Variants in PVT1 observed in about 807,000 individuals in gnomAD.
PVT1 encodes the protein Pvt1 oncogene.
intron 2 of PVT1, among the ~76,000 whole-genome samples, chr8:127,882,971 C>T (rs1815485517): frequency 6.6e-6 from 1 of 151,972 alleles, no homozygotes; most frequent in Non-Finnish European, 1.5e-5. Context: ...GTCCCTTCTG[C>T]AAGAGAGGGA....
chr8:127,898,100 AAAG>A lies in PVT1; in HGVS notation n.782+7106_782+7108del, dbSNP rs1815709445. On this transcript the variant is annotated intron_variant and non_coding_transcript_variant, in intron 3 of 10. Coordinates refer to ENST00000651587, the Ensembl canonical transcript of PVT1. The surrounding 1 kb of genome is among the most constrained non-coding windows in gnomAD (Gnocchi z 4.4). ...AGAAAGAAAAGGGAAGGAAGGAAGG[AAAG>A]AAGGAAGGAAGGAAGAAAGAAGGAA... Among the ~76,000 whole-genome samples the A allele has an allele frequency of 6.6e-6, 1 of 150,964 alleles. No homozygotes were observed. Among genetic ancestry groups the A allele is most frequent in the South Asian group, 2.1e-4 (1 of 4,700 alleles).
chr8:127,983,368 G>A (rs114601824), intron 3 of PVT1, among the ~76,000 whole-genome samples: 6,504 of 152,270 alleles, frequency 0.043, 271 homozygotes, highest in African/African-American at 0.1. Context: ...CTGTGATTAA[G>A]GTGACATAGG....
At chr8:127,964,373 A>G (rs1187692538) in intron 3 of PVT1, among the ~76,000 whole-genome samples, 2 of 152,168 alleles carry the variant, frequency 1.3e-5, no homozygotes, top group Non-Finnish European at 2.9e-5. Flanking sequence ...CGACCAACCG[A>G]AGCCACCAGT....
chr8:127,849,149 A>G (rs1045156727), intron 2 of PVT1, among the ~76,000 whole-genome samples: 1 of 152,076 alleles, frequency 6.6e-6, no homozygotes, highest in African/African-American at 2.4e-5. Flanking sequence ...TTTGCCAAAG[A>G]CAAGGGAAGG....
intron 2 of PVT1, chr8:127,803,604 A>G (rs1164357175): frequency 6.6e-6 from 1 of 152,220 alleles, no homozygotes; most frequent in East Asian, 1.9e-4. Flanking sequence ...AGAAGGAAAT[A>G]TGGGCCAGGC....
intron 2 of PVT1, among the ~76,000 whole-genome samples, chr8:127,808,452 A>G (rs1285142967): frequency 6.6e-6 from 1 of 152,178 alleles, no homozygotes; most frequent in Non-Finnish European, 1.5e-5. Context: ...GTGTGTTCAG[A>G]GTGTCAAAAG....
At chr8:127,964,359 G>A (rs1047483622) in intron 3 of PVT1, among the ~76,000 whole-genome samples, 5 of 152,176 alleles carry the variant, frequency 3.3e-5, no homozygotes, top group Non-Finnish European at 7.3e-5. Flanking sequence ...GGCGGATACA[G>A]CAGCGACCAA....
At chr8:128,095,775 C>T (rs998867598) in intron 5 of PVT1, among the ~76,000 whole-genome samples, 8 of 152,328 alleles carry the variant, frequency 5.3e-5, no homozygotes, top group Non-Finnish European at 1.2e-4. Context: ...TGTTTGTTAG[C>T]GTTGCGGTCA....
chr8:127,926,189 T>C (rs1445497700), intron 3 of PVT1, among the ~76,000 whole-genome samples: 2 of 152,172 alleles, frequency 1.3e-5, no homozygotes, highest in Non-Finnish European at 2.9e-5. Flanking sequence ...CAGCACCCAT[T>C]TGAGAGGCTG....
chr8:127,810,327 G>A (rs568677256), intron 2 of PVT1, among the ~76,000 whole-genome samples: 1 of 152,358 alleles, frequency 6.6e-6, no homozygotes, highest in East Asian at 1.9e-4. Flanking sequence ...GGAGCATCCT[G>A]CACCTCCCTC....
At chr8:127,824,673 T>C (rs976819996) in intron 2 of PVT1, among the ~76,000 whole-genome samples, 1 of 152,220 alleles carries the variant, frequency 6.6e-6, no homozygotes, top group African/African-American at 2.4e-5. Context: ...AACAAGTTTA[T>C]TGGATTTTTC....
At chr8:128,056,955 A>G (rs1314751420) in intron 4 of PVT1, among the ~76,000 whole-genome samples, 1 of 152,192 alleles carries the variant, frequency 6.6e-6, no homozygotes, top group Non-Finnish European at 1.5e-5. Flanking sequence ...ATGATCTCAG[A>G]GGAGTGCAGA....
At chr8:128,079,778 G>A (rs761546102) in intron 5 of PVT1, among the ~76,000 whole-genome samples, 21 of 152,090 alleles carry the variant, frequency 1.4e-4, no homozygotes, top group Non-Finnish European at 2.8e-4. Context: ...AGGCTGGAGT[G>A]TAGTGGTGTG....
intron 3 of PVT1, among the ~76,000 whole-genome samples, chr8:127,902,755 A>G (rs1272217836): frequency 6.6e-6 from 1 of 152,162 alleles, no homozygotes; most frequent in East Asian, 1.9e-4. Context: ...GTTGCTGCAG[A>G]GAGCGTGATT....
At chr8:127,879,002 A>G (rs1815435188) in intron 2 of PVT1, among the ~76,000 whole-genome samples, 1 of 152,242 alleles carries the variant, frequency 6.6e-6, no homozygotes, top group Non-Finnish European at 1.5e-5. Context: ...GTCATGGATG[A>G]CGTGAAGAAA....
chr8:127,931,650 C>G (rs942406846), intron 3 of PVT1, among the ~76,000 whole-genome samples: 2 of 152,250 alleles, frequency 1.3e-5, no homozygotes, highest in Non-Finnish European at 2.9e-5. Context: ...TGCTGGCAGC[C>G]TGGCCTCAGA....
intron 4 of PVT1, among the ~76,000 whole-genome samples, chr8:128,000,255 T>C (rs1817160164): frequency 6.6e-6 from 1 of 152,212 alleles, no homozygotes; most frequent in Non-Finnish European, 1.5e-5. Flanking sequence ...ACGTATCATG[T>C]AGTATCCCCC....
chr8:127,947,721 G>T (rs1199510343), intron 3 of PVT1: 2 of 456,438 alleles, frequency 4.4e-6, no homozygotes, highest in Non-Finnish European at 8.8e-6. Context: ...GGCTGGGTCT[G>T]TGAATGGAAG....
intron 5 of PVT1, among the ~76,000 whole-genome samples, chr8:128,091,219 T>TAA (rs1329937188): frequency 1.4e-3 from 208 of 152,240 alleles, no homozygotes; most frequent in Non-Finnish European, 1.3e-3. Context: ...CTGGCAGGCG[T>TAA]TCATGAGTTT....
Sources: gnomAD v4.1 joint callset for allele counts (sites outside exome capture counted in the v4.1 genomes callset) on GRCh38, gnomAD v4.1.1 for gene constraint, Gnocchi (gnomAD v3.1) non-coding constraint, MANE v1.5 for transcripts, NCBI Gene and HGNC (gene_info 2026-07-23, HGNC 2026-07-21) for gene names.